The following ZNF66 variants were observed in gnomAD, a reference collection of about 807,000 sequenced individuals.
ZNF66 encodes zinc finger protein 66.
A neutral mutation model predicts 35.2 loss-of-function variants in ZNF66; 32 were observed. The ratio of observed to expected loss-of-function variants is 0.91; its 90% CI spans 0.69 to 1.22. The LOEUF (loss-of-function observed/expected upper bound fraction) is 1.22. Among genes scored for constraint, ZNF66 ranks in the 50% most tolerant of loss-of-function variants. The probability of loss-of-function intolerance (pLI) is 0.00; values close to 1 mark genes in which losing one functional copy is unlikely to be tolerated. For synonymous variants in ZNF66, 231 were observed against 181.3 expected, an observed-to-expected ratio of 1.27 and a Z score of -2.20; for missense variants, 666 against 543.1, an observed-to-expected ratio of 1.23 and a Z score of -2.25.
Position 20,806,556 on chromosome 19 carries a change from G to T in ZNF66, c.956G>T (p.Gly319Val). The part of the protein sequence containing the change: ...GEKPYKCEEC[G>V]KAFNWSSHLT... Reference sequence around the variant, plus strand: ...AAACCCTACAAATGTGAAGAATGTGGTAAAGCCTTCAACTGGTCCTCACAC... The same window carrying T: ...AAACCCTACAAATGTGAAGAATGTGTTAAAGCCTTCAACTGGTCCTCACAC... The change falls in exon 4 of 4, where the codon GGT becomes GTT. Residue 319 changes from glycine to valine, a missense_variant. Transcript: ENST00000344519. 1 of 1,562,932 alleles carries T rather than the reference G, an allele frequency of 6.4e-7. No individual in the cohort carries two copies. Among genetic ancestry groups the T allele is most frequent in the East Asian group, 2.2e-5 (1 of 44,602 alleles).
intron 1 of ZNF66, among the ~76,000 whole-genome samples, chr19:20,791,496 A>AG (rs1555782525): frequency 2.7e-5 from 4 of 149,606 alleles, no homozygotes; most frequent in African/African-American, 9.8e-5. Context: ...AAAAAAAAAA[A>AG]AAAAAAAAAG....
rs759363263 is a variant in ZNF66 at position 20,807,020 on chromosome 19, A to G, written c.1420A>G (p.Ile474Val). Residue 474 changes from isoleucine (I) to valine (V), a missense_variant, in exon 4 of 4, where the codon ATT (isoleucine) becomes GTT (valine). Coordinates refer to ENST00000344519, the MANE Select transcript of ZNF66 (RefSeq NM_001355197.2). ...CTCTAACCTTACTAAACACAAGAAAATTCATACTGGAGAGAAGCCTTACAA... is the reference window on the plus strand; with the variant it reads ...CTCTAACCTTACTAAACACAAGAAAGTTCATACTGGAGAGAAGCCTTACAA... ...RSSNLTKHKK[I>V]HTGEKPYKCE... The G allele has an allele frequency of 1.1e-6, 1 of 893,982 alleles. No homozygotes were observed. Among genetic ancestry groups the G allele is most frequent in the Admixed American group, 1.7e-5 (1 of 57,232 alleles). 55.4% of individuals were successfully genotyped at this position (893,982 alleles called of 1,614,324 possible). A position where few individuals can be genotyped will look rare whatever the true frequency, so the allele number is the denominator to read the frequency against.
chr19:20,792,207 C>G (rs1971344341), intron 1 of ZNF66, among the ~76,000 whole-genome samples: 1 of 147,566 alleles, frequency 6.8e-6, no homozygotes, highest in Non-Finnish European at 1.5e-5. Context: ...ATATTCACAA[C>G]TCATTCCATA....
rs1483985633 is a variant in ZNF66 at position 20,809,412 on chromosome 19, G to A, written c.*2090G>A. Among the ~76,000 whole-genome samples the A allele has an allele frequency of 6.6e-6, 1 of 152,106 alleles. No homozygotes were observed. The highest frequency in any genetic ancestry group is 2.4e-5 in the African/African-American group (1 of 41,420). ...CCAAAGTTGAAATGAAGGAAAAAAT[G>A]TTAAGGGCAGCCAGAGAGAAAGGTC... On this transcript the variant is annotated 3_prime_UTR_variant, in exon 4 of 4. Transcript: ENST00000344519.
intron 1 of ZNF66, among the ~76,000 whole-genome samples, chr19:20,789,236 G>C (rs909923540): frequency 1.3e-5 from 2 of 152,144 alleles, no homozygotes; most frequent in Non-Finnish European, 2.9e-5. Context: ...GTGGCATAGA[G>C]GGAAGAATTC....
In ZNF66 at chr19:20,807,318, C is replaced by G; in HGVS notation, c.1718C>G (p.Pro573Arg). The G allele has an allele frequency of 1.6e-6, 1 of 639,204 alleles. No individual in the cohort carries two copies. Among genetic ancestry groups the G allele is most frequent in the Non-Finnish European group, 2.8e-6 (1 of 354,644 alleles). 39.6% of individuals were successfully genotyped at this position (639,204 alleles called of 1,614,324 possible). Residue 573 changes from proline to arginine, a missense_variant, in exon 4 of 4, where the codon CCT becomes CGT. Pro to Arg is a moderately radical substitution (Grantham distance 103). Coordinates refer to ENST00000344519, the MANE Select transcript of ZNF66 (RefSeq NM_001355197.2). ...NPYKCENVAK[P>R] The stretch of plus-strand genomic sequence containing the variant: ...TACAAATGTGAAAATGTGGCAAAGC[C>G]TTAGACACTCCTCTACCCTTACTAG...
chr19:20,804,047 T>G (rs1290519608), intron 3 of ZNF66, among the ~76,000 whole-genome samples: 2 of 152,026 alleles, frequency 1.3e-5, no homozygotes, highest in Non-Finnish European at 2.9e-5. Flanking sequence ...TTGCTTATTA[T>G]GTGTGTTTGT....
In ZNF66 at chr19:20,806,000, A is replaced by T; in HGVS notation, c.400A>T (p.Asn134Tyr). 1.3e-6 allele frequency: 1 copy of T among 798,570 alleles called. No homozygotes were observed. 49.5% of individuals were successfully genotyped at this position (798,570 alleles called of 1,614,324 possible). A position where few individuals can be genotyped will look rare whatever the true frequency, so the allele number is the denominator to read the frequency against. Residue 134 changes from asparagine (N) to tyrosine (Y), a missense_variant, in exon 4 of 4, where the codon AAC (asparagine) becomes TAC (tyrosine). Coordinates refer to ENST00000344519, the MANE Select transcript of ZNF66 (RefSeq NM_001355197.2). Reference sequence around the variant, plus strand: ...GCACAAAAGAGGTTATAATGGACTTAACCAATGTTTGACAACTACCCAAAG... The same window carrying T: ...GCACAAAAGAGGTTATAATGGACTTTACCAATGTTTGACAACTACCCAAAG... ...KVHKRGYNGL[N>Y]QCLTTTQSKM...
At chr19:20,787,572 T>TA (rs1230239070) in intron 1 of ZNF66, among the ~76,000 whole-genome samples, 1 of 152,210 alleles carries the variant, frequency 6.6e-6, no homozygotes, top group Non-Finnish European at 1.5e-5. Context: ...CTAAACATCT[T>TA]ACAGCCCCAT....
At chr19:20,777,030 G>A (rs1448076413) in intron 1 of ZNF66, among the ~76,000 whole-genome samples, 1 of 150,526 alleles carries the variant, frequency 6.6e-6, no homozygotes, top group African/African-American at 2.4e-5. Flanking sequence ...TGAGAGAATC[G>A]CTTGAACCCG....
Position 20,806,759 on chromosome 19 carries a change from C to T in ZNF66, c.1159C>T (p.His387Tyr). 4 of 1,337,238 alleles carry T rather than the reference C, an allele frequency of 3.0e-6. No homozygotes were observed. Among genetic ancestry groups the T allele is most frequent in the South Asian group, 1.2e-5 (1 of 85,020 alleles). The allele number at this position is 1,337,238 out of a possible 1,614,324, so 82.8% of individuals were successfully genotyped here. The stretch of plus-strand genomic sequence containing the variant: ...TAAGTACTCCTGTTCCCTTACTGCA[C>T]ATAAGATAATTCATACTGGAAAGAA... ...AFKYSCSLTA[H>Y]KIIHTGKKPY... Residue 387 changes from histidine (H) to tyrosine (Y), a missense_variant, in exon 4 of 4, where the codon CAT becomes TAT. His to Tyr is a moderately conservative substitution (Grantham distance 83). Transcript: ENST00000344519.
In ZNF66 at chr19:20,806,773, T is replaced by G; in HGVS notation, c.1173T>G (p.His391Gln). 1 of 1,322,176 alleles carries G rather than the reference T, an allele frequency of 7.6e-7. No individual in the cohort carries two copies. Among genetic ancestry groups the G allele is most frequent in the South Asian group, 1.2e-5 (1 of 84,622 alleles). The allele number at this position is 1,322,176 out of a possible 1,614,324, so 81.9% of individuals were successfully genotyped here. ...SCSLTAHKII[H>Q]TGKKPYKCEE... is the part of the protein sequence containing the mutation. ...CCCTTACTGCACATAAGATAATTCA[T>G]ACTGGAAAGAAACCTTACAAATGTG... Residue 391 changes from histidine to glutamine, a missense_variant, in exon 4 of 4, where the codon CAT (histidine) becomes CAG (glutamine). Physicochemically the swap from His to Gln is conservative, Grantham distance 24 (BLOSUM62 0). Transcript: ENST00000344519.
rs383038 is a variant in ZNF66, at chr19:20,806,162, T to C, written c.562T>C (p.Phe188Leu). 115,286 of 1,247,552 alleles carry C rather than the reference T, an allele frequency of 0.092. 5,565 individuals are homozygous for C. Among genetic ancestry groups the C allele is most frequent in the African/African-American group, 0.1 (6,924 of 67,882 alleles). The allele number at this position is 1,247,552 out of a possible 1,614,324, so 77.3% of individuals were successfully genotyped here. A position where few individuals can be genotyped will look rare whatever the true frequency, so the allele number is the denominator to read the frequency against. Residue 188 changes from phenylalanine (F) to leucine (L), a missense_variant, in exon 4 of 4, where the codon TTT (phenylalanine) becomes CTT (leucine). By Grantham distance (22) the Phe-to-Leu change is conservative (BLOSUM62 0). Transcript: ENST00000344519. Reference sequence around the variant, plus strand: ...CAAAGCTTTTAACCGGTCCTCAACCTTTACTACACATAAGAAAATTCATAC... The same window carrying C: ...CAAAGCTTTTAACCGGTCCTCAACCCTTACTACACATAAGAAAATTCATAC... ...CGKAFNRSST[F>L]TTHKKIHTGE...
At chr19:20,791,012 C>T (rs1971332022) in intron 1 of ZNF66, among the ~76,000 whole-genome samples, 2 of 152,128 alleles carry the variant, frequency 1.3e-5, no homozygotes, top group East Asian at 3.8e-4. Context: ...GATTTATCAA[C>T]AGGAATTTAT....
At position 20,793,327 on chromosome 19, in the gene ZNF66, C is replaced by CTTTTT. The variant is rs879637768; in HGVS notation, c.131-452_131-451insTTTTT. Reference sequence around the variant, plus strand: ...CTTTTCTTTTCTTTTCTTTTCTTTTCTTTTCTTTTTTTTTTTTTTTTGAGA... The same window carrying CTTTTT: ...CTTTTCTTTTCTTTTCTTTTCTTTTCTTTTTTTTTCTTTTTTTTTTTTTTTTGAGA... On this transcript the variant is annotated intron_variant, in intron 2 of 3. Coordinates refer to ENST00000344519, the MANE Select transcript of ZNF66 (RefSeq NM_001355197.2). 6.7e-4 allele frequency among the ~76,000 whole-genome samples: 50 copies of CTTTTT among 74,706 alleles called. 1 individual carries two copies. The highest frequency in any genetic ancestry group is 3.5e-3 in the East Asian group (8 of 2,286). 49.0% of individuals were successfully genotyped at this position (74,706 alleles called of 152,430 possible).
chr19:20,780,266 A>G (rs960692030), intron 1 of ZNF66, among the ~76,000 whole-genome samples: 1 of 152,198 alleles, frequency 6.6e-6, no homozygotes, highest in African/African-American at 2.4e-5. Context: ...TGGAGCACAC[A>G]AAGAATGGAG....
intron 1 of ZNF66, among the ~76,000 whole-genome samples, chr19:20,787,908 G>A (rs1444202383): frequency 1.3e-5 from 2 of 152,178 alleles, no homozygotes; most frequent in Admixed American, 6.6e-5. Context: ...CTCCAGCCTG[G>A]TTGATCATTG....
chr19:20,809,555 C>G lies in ZNF66; in HGVS notation c.*2233C>G, dbSNP rs1006317343. Among the ~76,000 whole-genome samples, 37 of 151,766 alleles carry G rather than the reference C, an allele frequency of 2.4e-4. No homozygotes were observed. Among genetic ancestry groups the G allele is most frequent in the African/African-American group, 8.2e-4 (34 of 41,292 alleles). On this transcript the variant is annotated 3_prime_UTR_variant, in exon 4 of 4. Transcript: ENST00000344519. ...ATTCTTAAAGAAAAGAATTTTCAAC[C>G]CAGAATTTCATATCCAGCCAAACTA... is the stretch of plus-strand genomic sequence containing the variant.
intron 1 of ZNF66, among the ~76,000 whole-genome samples, chr19:20,790,080 C>T (rs996536671): frequency 4.6e-5 from 7 of 152,154 alleles, no homozygotes; most frequent in Non-Finnish European, 8.8e-5. Context: ...TTAAAACACC[C>T]ATGCATAGAC....
Sources: gnomAD v4.1 joint callset for allele counts (sites outside exome capture counted in the v4.1 genomes callset) on GRCh38, gnomAD v4.1.1 for gene constraint, MANE v1.5 for transcripts, NCBI Gene and HGNC (gene_info 2026-07-23, HGNC 2026-07-21) for gene names.